Variants in SMG1 observed in about 807,000 individuals in gnomAD.
SMG1 encodes serine/threonine-protein kinase SMG1.
SMG1 carries 22 observed loss-of-function variants against 419.9 expected under a neutral mutation model. That is an observed-to-expected ratio of 0.05 (90% CI 0.04 to 0.07). The LOEUF (loss-of-function observed/expected upper bound fraction) is 0.07. Ranked by LOEUF, SMG1 falls within the 10% of genes least tolerant of loss-of-function variation. SMG1 has a pLI of 1.00. For synonymous variants in SMG1, 1,538 were observed against 1,553.5 expected (o/e 0.99, Z 0.23); for missense variants, 3,185 against 4,342.0 (o/e 0.73, Z 7.49).
intron 45 of SMG1, 23 bp from the exon 46 acceptor site, chr16:18,837,466 A>C (rs1208093447): frequency 6.3e-7 from 1 of 1,599,648 alleles, no homozygotes; most frequent in African/African-American, 1.3e-5. Flanking sequence ...ATTACGATTA[A>C]GAAGACTCTT....
intron 62 of SMG1, 30 bp from the exon 63 acceptor site, chr16:18,809,676 G>C: frequency 6.6e-7 from 1 of 1,518,170 alleles, no homozygotes. Flanking sequence ...AGTATGTAAA[G>C]TCATTTAAAG....
chr16:18,860,959 A>G (rs2035184687), intron 25 of SMG1, 183 bp from the exon 26 acceptor site: 2 of 486,472 alleles, frequency 4.1e-6, no homozygotes, highest in Non-Finnish European at 7.3e-6. Flanking sequence ...CTACCACTTA[A>G]TTAGTACTCA....
chr16:18,816,667 C>G lies in SMG1; in HGVS notation c.10075-138G>C, dbSNP rs143582863. ...CCATTGCTAAGTCATGAATTAATTA[C>G]CTACAAGTTACTTAACAATAATCTC... On this transcript the variant is annotated intron_variant, in intron 57 of 62. Transcript: ENST00000446231. 1.3e-3 allele frequency: 827 copies of G among 652,768 alleles called. 1 individual carries two copies. Among genetic ancestry groups the G allele is most frequent in the Non-Finnish European group, 1.8e-3 (688 of 385,528 alleles). 40.4% of individuals were successfully genotyped at this position (652,768 alleles called of 1,614,324 possible).
chr16:18,815,693 A>G (rs1004266024), intron 58 of SMG1, 42 bp from the exon 59 acceptor site: 1 of 1,541,690 alleles, frequency 6.5e-7, no homozygotes, highest in Non-Finnish European at 8.9e-7. Context: ...TAGTTTTAGT[A>G]TCAGTAATTA....
In SMG1 at chr16:18,864,125, C is replaced by G; in HGVS notation, c.3370G>C (p.Glu1124Gln). 1 of 1,537,836 alleles carries G rather than the reference C, an allele frequency of 6.5e-7. No individual in the cohort carries two copies. The highest frequency in any genetic ancestry group is 8.7e-7 in the Non-Finnish European group (1 of 1,143,222). Residue 1124 changes from glutamate (E) to glutamine (Q), a missense_variant, in exon 24 of 63, where the codon GAG becomes CAG. Around this residue, in one of 27 missense-constraint regions of SMG1, gnomAD observed 121 missense variants for 125.4 expected, o/e 0.96. Transcript: ENST00000446231. ...AEGRFEKASV[E>Q]YQEHLCAMTG... is the part of the protein sequence containing the mutation. Reference sequence around the variant, plus strand: ...ATGGCACACAGGTGTTCCTGGTACTCCACAGAGGCCTTTTCAAACCTGAAA... The same window carrying G: ...ATGGCACACAGGTGTTCCTGGTACTGCACAGAGGCCTTTTCAAACCTGAAA...
chr16:18,818,060 C>T (rs182219256), intron 56 of SMG1, among the ~76,000 whole-genome samples: 50 of 145,616 alleles, frequency 3.4e-4, no homozygotes, highest in Non-Finnish European at 7.2e-4. Context: ...ACCAGAGGTG[C>T]GTGCCACCAT....
chr16:18,907,523 T>C (rs1297066535), intron 1 of SMG1, among the ~76,000 whole-genome samples: 1 of 152,020 alleles, frequency 6.6e-6, no homozygotes. Context: ...TCTGCCTTTA[T>C]TTCTAACCCA....
chr16:18,876,790 C>T (rs1302946877), intron 12 of SMG1, among the ~76,000 whole-genome samples: 1 of 151,588 alleles, frequency 6.6e-6, no homozygotes, highest in Non-Finnish European at 1.5e-5. Flanking sequence ...AAAAGCCAGT[C>T]ATTTTTGTTT....
At chr16:18,873,360 C>A (rs1031451388) in intron 13 of SMG1, among the ~76,000 whole-genome samples, 3 of 152,144 alleles carry the variant, frequency 2.0e-5, no homozygotes, top group Non-Finnish European at 4.4e-5. Flanking sequence ...GCTGGGATTA[C>A]AGGCGCCCAT....
At chr16:18,827,333 G>A (rs182702676) in intron 55 of SMG1, among the ~76,000 whole-genome samples, 1 of 151,742 alleles carries the variant, frequency 6.6e-6, no homozygotes, top group African/African-American at 2.4e-5. Context: ...GGCTGAGGCA[G>A]GAGAATCGCT....
intron 39 of SMG1, among the ~76,000 whole-genome samples, chr16:18,843,996 T>C (rs1236255609): frequency 7.0e-6 from 1 of 143,064 alleles, no homozygotes; most frequent in African/African-American, 2.6e-5. Context: ...TTTTAAAAAT[T>C]TTCTATGATT....
intron 6 of SMG1, among the ~76,000 whole-genome samples, chr16:18,889,052 C>G (rs2036766379): frequency 6.7e-6 from 1 of 149,998 alleles, no homozygotes; most frequent in Non-Finnish European, 1.5e-5. Context: ...TCTCGATCTC[C>G]TGACCTCATT....
intron 40 of SMG1, 142 bp downstream of exon 40, chr16:18,842,066 C>T (rs992770381): frequency 4.2e-6 from 4 of 955,112 alleles, no homozygotes; most frequent in Non-Finnish European, 6.1e-6. Flanking sequence ...TTCAAAAGCA[C>T]ATAAGATATA....
At chr16:18,841,397 C>CAAA (rs149043036) in intron 41 of SMG1, among the ~76,000 whole-genome samples, 168 bp downstream of exon 41, 12 of 105,336 alleles carry the variant, frequency 1.1e-4, no homozygotes, top group African/African-American at 3.5e-4. Context: ...GACTGTGTCT[C>CAAA]AAAAAAAAAA....
Position 18,849,218 on chromosome 16 carries a change from T to C in SMG1, c.5622A>G (p.Ser1874=), listed in dbSNP as rs372433857. ...TISLSSESQA[S]GNKFSTAIPT... ...TAGCAATATTTGAATATTCCATACC[T>C]GAAGCCTGGGATTCACTACTAAGCG... Residue 1874 remains serine, a splice_region_variant and synonymous_variant, in exon 36 of 63, where the codon TCA becomes TCG. Transcript: ENST00000446231. 2 of 1,597,124 alleles carry C rather than the reference T, an allele frequency of 1.3e-6. No homozygotes were observed.
Position 18,836,401 on chromosome 16 carries a change from A to C in SMG1, c.7736T>G (p.Leu2579Arg), listed in dbSNP as rs747784986. ...GCTTATCTCTTGAAGCAAGCTTGCA[A>C]GCTGTGTTGCTTCTAAATTATTGAA... ...AAFNNLEATQ[L>R]ASLLQEISTQ... The change falls in exon 47 of 63, where the codon CTT (leucine) becomes CGT (arginine). Residue 2579 changes from leucine (L) to arginine (R), a missense_variant. This residue lies in a region of SMG1 where 412 missense variants were observed against 546.6 expected (regional missense o/e 0.75). Coordinates refer to ENST00000446231, the MANE Select transcript of SMG1 (RefSeq NM_015092.5). The C allele has an allele frequency of 2.5e-6, 4 of 1,614,042 alleles. No individual in the cohort carries two copies. The highest frequency in any genetic ancestry group is 2.2e-5 in the East Asian group (1 of 44,882).
Position 18,852,372 on chromosome 16 carries a change from G to A in SMG1, c.4859C>T (p.Ala1620Val), listed in dbSNP as rs1168653758. Residue 1620 changes from alanine to valine, a missense_variant, in exon 32 of 63, where the codon GCA (alanine) becomes GTA (valine). Coordinates refer to ENST00000446231, the MANE Select transcript of SMG1 (RefSeq NM_015092.5). ...CCTATAAGCCCAGCTGGCCAACGCT[G>A]CCCAAGATTTGGCTACTTCAGGTGC... is the stretch of plus-strand genomic sequence containing the variant. ...VQAPEVAKSW[A>V]ALASWAYRWG... The A allele has an allele frequency of 6.2e-7, 1 of 1,613,598 alleles. No homozygotes were observed. Among genetic ancestry groups the A allele is most frequent in the East Asian group, 2.2e-5 (1 of 44,884 alleles).
At chr16:18,842,623 A>G (rs2033988914) in intron 39 of SMG1, among the ~76,000 whole-genome samples, 169 bp from the exon 40 acceptor site, 1 of 152,148 alleles carries the variant, frequency 6.6e-6, no homozygotes, top group African/African-American at 2.4e-5. Flanking sequence ...TCAGAAGTTC[A>G]AGACCAGCCT....
At chr16:18,814,029 C>CAAAAAAA (rs34998351) in intron 60 of SMG1, among the ~76,000 whole-genome samples, 1 of 60,170 alleles carries the variant, frequency 1.7e-5, no homozygotes. Context: ...AGACTCATCT[C>CAAAAAAA]AAAAAAAAAA....
Sources: allele counts gnomAD v4.1 joint callset (sites outside exome capture counted in the v4.1 genomes callset), GRCh38; gene constraint gnomAD v4.1.1; regional missense constraint gnomAD v4.1.1; transcripts MANE v1.5; gene names NCBI Gene and HGNC (gene_info 2026-07-23, HGNC 2026-07-21).